Variants in MXRA5 observed in about 807,000 individuals in gnomAD.
MXRA5 encodes the protein matrix remodeling associated 5.
A neutral mutation model predicts 112.5 loss-of-function variants in MXRA5; 41 were observed. The observed-to-expected ratio is 0.36, with a 90% CI of 0.28 to 0.47. The LOEUF (loss-of-function observed/expected upper bound fraction) is 0.47. Among genes scored for constraint, MXRA5 ranks in the 20% least tolerant of loss-of-function variants. The pLI, the probability that MXRA5 is intolerant of heterozygous loss-of-function variation, is 0.99. For synonymous variants in MXRA5, 862 were observed against 900.8 expected, an observed-to-expected ratio of 0.96 and a Z score of 0.77; for missense variants, 2,150 against 2,251.0, an observed-to-expected ratio of 0.96 and a Z score of 0.91.
At chrX:3,312,533 C>T (rs1921002319) in intron 6 of MXRA5, among the ~76,000 whole-genome samples, 1 of 108,372 alleles carries the variant, frequency 9.2e-6, no homozygotes, top group Non-Finnish European at 1.9e-5. Flanking sequence ...TAATGGGAGC[C>T]TTAATATTTC....
At position 3,317,517 on chromosome X, in the gene MXRA5, T is replaced by A. The variant is rs1163760277; in HGVS notation, c.6164A>T (p.Glu2055Val). 3 of 1,203,577 alleles carry A rather than the reference T, an allele frequency of 2.5e-6. No individual in the cohort carries two copies. In the Admixed American group the frequency reaches 6.6e-5, roughly 27 times the overall value. ...GAGCCCCGGGGGCAGCGAGATGTTCTCCAGCTTCTCCTGGTGGATAACGGG... is the reference window on the plus strand; with the variant it reads ...GAGCCCCGGGGGCAGCGAGATGTTCACCAGCTTCTCCTGGTGGATAACGGG... Reference protein sequence around the residue: ...LPPVIHQEKLENISLPPGLSI... With the variant: ...LPPVIHQEKLVNISLPPGLSI... Residue 2055 changes from glutamate (E) to valine (V), a missense_variant, in exon 6 of 7, where the codon GAG becomes GTG. By Grantham distance (121) the Glu-to-Val change is moderately radical. This residue lies in a region of MXRA5 where 1,485 missense variants were observed against 1,471.6 expected (regional missense o/e 1.01). Coordinates refer to ENST00000217939, the MANE Select transcript of MXRA5 (RefSeq NM_015419.4).
intron 4 of MXRA5, 115 bp from the exon 5 acceptor site, chrX:3,325,090 T>A (rs1350588661): frequency 1.1e-6 from 1 of 899,874 alleles, no homozygotes; most frequent in African/African-American, 2.0e-5. Context: ...TGTAATCCCA[T>A]AAACAAGGAA....
In MXRA5 at chrX:3,321,619, G is replaced by C. The variant is rs1035250212; in HGVS notation, c.4066C>G (p.Arg1356Gly). 8.3e-7 allele frequency: 1 copy of C among 1,209,526 alleles called. No individual in the cohort carries two copies. Among genetic ancestry groups the C allele is most frequent in the African/African-American group, 1.7e-5 (1 of 57,193 alleles). Residue 1356 changes from arginine (R) to glycine (G), a missense_variant, in exon 5 of 7, where the codon CGC (arginine) becomes GGC (glycine). This residue lies in a region of MXRA5 where 1,485 missense variants were observed against 1,471.6 expected (regional missense o/e 1.01). Transcript: ENST00000217939. ...TCTCCCATAGTGGAGACCAAGGAGC[G>C]AGAAGTTGGTATGGCATTAGTAATT... ...ESITNAIPTS[R>G]SLVSTMGEFK...
chrX:3,335,857 G>A (rs1185140863), intron 2 of MXRA5, among the ~76,000 whole-genome samples: 1 of 112,382 alleles, frequency 8.9e-6, no homozygotes, highest in Non-Finnish European at 1.9e-5. Context: ...CTCTGACACA[G>A]GCTACCATGT....
chrX:3,322,575 A>C lies in MXRA5; in HGVS notation c.3110T>G (p.Leu1037Arg), dbSNP rs779186495. The C allele has an allele frequency of 5.0e-6, 6 of 1,209,945 alleles. No homozygotes were observed. In the East Asian group the frequency reaches 1.5e-4, roughly 30 times the overall value. ...TTTCACAAGGTGGATGTTGTCTGTC[A>C]GTCCTTGTAGATGTGATTGGCCTGG... The part of the protein sequence containing the change: ...GVPGQSHLQG[L>R]TDNIHLVKSS... Residue 1037 changes from leucine (L) to arginine (R), a missense_variant, in exon 5 of 7, where the codon CTG becomes CGG. By Grantham distance (102) the Leu-to-Arg change is moderately radical. Transcript: ENST00000217939.
At chrX:3,326,076 C>T (rs1255383347) in intron 4 of MXRA5, among the ~76,000 whole-genome samples, 5 of 14,057 alleles carry the variant, frequency 3.6e-4, no homozygotes, top group African/African-American at 1.1e-3. Context: ...TACATAAATA[C>T]ATTTATATAT....
In MXRA5 at chrX:3,324,443, T is replaced by C; in HGVS notation, c.1242A>G (p.Glu414=). Residue 414 remains glutamate (E), a synonymous_variant, in exon 5 of 7, where the codon GAA becomes GAG. Coordinates refer to ENST00000217939, the MANE Select transcript of MXRA5 (RefSeq NM_015419.4). The stretch of plus-strand genomic sequence containing the variant: ...CTCTCACACCTGTGTAGTAAAGAGC[T>C]TCCTCATCAGCATCCTGCCTGTACT... ...SYQYRQDADE[E]ALYYTGVRAQ... 5 of 1,211,625 alleles carry C rather than the reference T, an allele frequency of 4.1e-6. No individual in the cohort carries two copies. Among genetic ancestry groups the C allele is most frequent in the Non-Finnish European group, 5.6e-6 (5 of 895,411 alleles).
chrX:3,323,176 T>G lies in MXRA5; in HGVS notation c.2509A>C (p.Ser837Arg), dbSNP rs201100606. 1.1e-4 allele frequency: 134 copies of G among 1,209,452 alleles called. No individual in the cohort carries two copies. The highest frequency in any genetic ancestry group is 4.6e-4 in the Middle Eastern group (2 of 4,376). ...PSASPVQTVT[S>R]AEESSADVPL... ...ACATCTGCTGAGGATTCTTCAGCACTGGTTACTGTCTGCACAGGAGATGCT... is the reference window on the plus strand; with the variant it reads ...ACATCTGCTGAGGATTCTTCAGCACGGGTTACTGTCTGCACAGGAGATGCT... The change falls in exon 5 of 7, where the codon AGT becomes CGT. Residue 837 changes from serine (S) to arginine (R), a missense_variant. By Grantham distance (110) the Ser-to-Arg change is moderately radical. This residue lies in a region of MXRA5 where 1,485 missense variants were observed against 1,471.6 expected (regional missense o/e 1.01). Coordinates refer to ENST00000217939, the MANE Select transcript of MXRA5 (RefSeq NM_015419.4).
chrX:3,309,177 A>AT lies in MXRA5; in HGVS notation c.*538_*539insA, dbSNP rs1920963550. 1 of 110,409 alleles carries AT rather than the reference A, an allele frequency of 9.1e-6. No individual in the cohort carries two copies. Among genetic ancestry groups the AT allele is most frequent in the Non-Finnish European group, 1.9e-5 (1 of 52,839 alleles). 9.1% of individuals were successfully genotyped at this position (110,409 alleles called of 1,213,427 possible). On this transcript the variant is annotated 3_prime_UTR_variant, in exon 7 of 7. Coordinates refer to ENST00000217939, the MANE Select transcript of MXRA5 (RefSeq NM_015419.4). ...CTGTATGTATGTAACTCTGAATTAA[A>AT]ATATATATATATATCAGTCACTCTG...
intron 6 of MXRA5, 147 bp downstream of exon 6, chrX:3,316,956 G>C: frequency 1.4e-6 from 1 of 692,356 alleles, no homozygotes; most frequent in Non-Finnish European, 2.0e-6. Context: ...GATTACAGGC[G>C]TGAGCCACCG....
intron 4 of MXRA5, among the ~76,000 whole-genome samples, chrX:3,325,979 TA>T (rs1921470441): frequency 4.7e-5 from 3 of 63,394 alleles, no homozygotes; most frequent in Admixed American, 5.0e-4. Context: ...TATAAATTTA[TA>T]ATATATAATT....
intron 2 of MXRA5, among the ~76,000 whole-genome samples, chrX:3,341,718 T>C (rs1921991011): frequency 1.1e-5 from 1 of 89,523 alleles, no homozygotes; most frequent in African/African-American, 4.0e-5. Context: ...ATATACATTC[T>C]GCATCAACCC....
At chrX:3,316,697 G>T (rs1921144922) in intron 6 of MXRA5, among the ~76,000 whole-genome samples, 1 of 108,524 alleles carries the variant, frequency 9.2e-6, no homozygotes, top group African/African-American at 3.3e-5. Flanking sequence ...TATTATTTGA[G>T]ATGGAATGTC....
chrX:3,326,359 C>T (rs1341328165), intron 4 of MXRA5, among the ~76,000 whole-genome samples: 1 of 96,795 alleles, frequency 1.0e-5, no homozygotes, highest in East Asian at 3.1e-4. Flanking sequence ...ATATTTATAA[C>T]TCTGTATATT....
In MXRA5 at chrX:3,308,972, T is replaced by C. The variant is rs1344958460; in HGVS notation, c.*744A>G. ...AATTTTTTAAAATTATATTTCCATG[T>C]CTGCTGTAATGTATCCAAGTCTTGT... is the stretch of plus-strand genomic sequence containing the variant. On this transcript the variant is annotated 3_prime_UTR_variant, in exon 7 of 7. Coordinates refer to ENST00000217939, the MANE Select transcript of MXRA5 (RefSeq NM_015419.4). 9.0e-6 allele frequency: 1 copy of C among 111,683 alleles called. No homozygotes were observed. Among genetic ancestry groups the C allele is most frequent in the East Asian group, 2.8e-4 (1 of 3,590 alleles). The allele number at this position is 111,683 out of a possible 1,213,427, so 9.2% of individuals were successfully genotyped here.
chrX:3,344,484 T>C (rs886312351), intron 1 of MXRA5, among the ~76,000 whole-genome samples: 1 of 111,587 alleles, frequency 9.0e-6, no homozygotes, highest in Non-Finnish European at 1.9e-5. Context: ...ATAGAGTTGC[T>C]GTTAATCGGG....
intron 1 of MXRA5, 141 bp downstream of exon 1, chrX:3,346,374 C>G (rs1196624268): frequency 3.6e-6 from 1 of 275,202 alleles, no homozygotes; most frequent in Non-Finnish European, 5.0e-6. Context: ...TTAGCAACTT[C>G]AAACAGTGCT....
chrX:3,338,398 T>C (rs1162696648), intron 2 of MXRA5, among the ~76,000 whole-genome samples: 11 of 110,378 alleles, frequency 1.0e-4, no homozygotes, highest in African/African-American at 3.6e-4. Context: ...GACAGATAGA[T>C]AGATAGATAG....
At position 3,311,387 on chromosome X, in the gene MXRA5, A is replaced by T. The variant is rs2146914169; in HGVS notation, c.6816T>A (p.Asn2272Lys). 1 of 1,211,804 alleles carries T rather than the reference A, an allele frequency of 8.3e-7. No individual in the cohort carries two copies. Among genetic ancestry groups the T allele is most frequent in the Non-Finnish European group, 1.1e-6 (1 of 895,498 alleles). ...CTGGGAGGCTCCAGGAGATCTCGGGATTGGGAAGCCCGGTGGCCACACAGT... is the reference window on the plus strand; with the variant it reads ...CTGGGAGGCTCCAGGAGATCTCGGGTTTGGGAAGCCCGGTGGCCACACAGT... ...KVDCVATGLP[N>K]PEISWSLPDG... Residue 2272 changes from asparagine to lysine, a missense_variant, in exon 7 of 7, where the codon AAT (asparagine) becomes AAA (lysine). Asn to Lys is a moderately conservative substitution (Grantham distance 94). Around this residue, in one of 6 missense-constraint regions of MXRA5, gnomAD observed 1,485 missense variants for 1,471.6 expected, o/e 1.01. Coordinates refer to ENST00000217939, the MANE Select transcript of MXRA5 (RefSeq NM_015419.4).
Sources: gnomAD v4.1 joint callset for allele counts (sites outside exome capture counted in the v4.1 genomes callset) on GRCh38, gnomAD v4.1.1 for gene constraint, gnomAD v4.1.1 regional missense constraint, MANE v1.5 for transcripts, NCBI Gene and HGNC (gene_info 2026-07-23, HGNC 2026-07-21) for gene names.